Variants in JAK1 observed in about 807,000 individuals in gnomAD.
JAK1 encodes Janus kinase 1, also known as tyrosine-protein kinase JAK1.
A neutral mutation model predicts 136.6 loss-of-function variants in JAK1; 16 were observed. That is an observed-to-expected ratio of 0.12 (90% CI 0.08 to 0.18). The LOEUF (loss-of-function observed/expected upper bound fraction) is 0.18. Ranked by LOEUF, JAK1 falls within the 10% of genes least tolerant of loss-of-function variation. JAK1 has a pLI of 1.00. For synonymous variants in JAK1, 492 were observed against 519.5 expected (o/e 0.95, Z 0.72); for missense variants, 859 against 1,450.1 (o/e 0.59, Z 6.62).
chr1:65,029,639 T>C (rs1234976289), intron 2 of JAK1, among the ~76,000 whole-genome samples: 1 of 152,182 alleles, frequency 6.6e-6, no homozygotes, highest in Non-Finnish European at 1.5e-5. Context: ...TAAAAAAGAA[T>C]GAGATCATGT....
intron 2 of JAK1, among the ~76,000 whole-genome samples, chr1:65,029,332 T>A (rs1276567522): frequency 6.6e-6 from 1 of 152,146 alleles, no homozygotes; most frequent in African/African-American, 2.4e-5. Flanking sequence ...ACTACTGAAC[T>A]CAAGTGACCT....
intron 1 of JAK1, among the ~76,000 whole-genome samples, chr1:64,888,908 A>C (rs556344427): frequency 4.6e-5 from 7 of 152,232 alleles, no homozygotes; most frequent in Non-Finnish European, 1.0e-4. Flanking sequence ...TCTGATGATA[A>C]AAATAGAAAA....
rs1240802549 is a variant in JAK1 at position 64,845,576 on chromosome 1, A to G, written c.2052T>C (p.Asp684=). ...TGAATTTCCATGGTGTGGTAAGGAC[A>G]TCGCTTTTCCGGTGCATGAAGAGAT... ...PLDLFMHRKS[D]VLTTPWKFKV... The change falls in exon 15 of 25, where the codon GAT becomes GAC. Residue 684 remains aspartate, a synonymous_variant. Coordinates refer to ENST00000342505, the MANE Select transcript of JAK1 (RefSeq NM_002227.4). The G allele has an allele frequency of 6.2e-7, 1 of 1,614,176 alleles. No individual in the cohort carries two copies. Among genetic ancestry groups the G allele is most frequent in the African/African-American group, 1.3e-5 (1 of 75,042 alleles).
At chr1:64,940,956 G>A (rs1330800319) in intron 1 of JAK1, among the ~76,000 whole-genome samples, 11 of 152,150 alleles carry the variant, frequency 7.2e-5, no homozygotes, top group African/African-American at 2.7e-4. Flanking sequence ...CCTGAGGTCA[G>A]GAGTTCAAGA....
chr1:65,062,966 T>C (rs1437582436), intron 1 of JAK1, among the ~76,000 whole-genome samples: 1 of 152,220 alleles, frequency 6.6e-6, no homozygotes, highest in Non-Finnish European at 1.5e-5. Flanking sequence ...ATCTATAAAA[T>C]AAAGGGATAG....
At chr1:64,858,071 C>G (rs1022502297) in intron 9 of JAK1, among the ~76,000 whole-genome samples, 1 of 152,206 alleles carries the variant, frequency 6.6e-6, no homozygotes, top group African/African-American at 2.4e-5. Flanking sequence ...CAGCTCAAGA[C>G]AGAAGAGCCT....
chr1:64,891,239 T>C (rs1644931300), intron 1 of JAK1, among the ~76,000 whole-genome samples: 1 of 152,204 alleles, frequency 6.6e-6, no homozygotes, highest in Admixed American at 6.5e-5. Flanking sequence ...GGTTTTACGC[T>C]AATCAGCGAG....
At chr1:64,866,085 C>T (rs976315923) in intron 7 of JAK1, among the ~76,000 whole-genome samples, 8 of 152,130 alleles carry the variant, frequency 5.3e-5, no homozygotes, top group African/African-American at 1.7e-4. Context: ...TTATTAATTA[C>T]AGTAATAATA....
rs1334382278 is a variant in JAK1 at position 64,838,034 on chromosome 1, C to T, written c.3038G>A (p.Ser1013Asn). The change falls in exon 22 of 25, where the codon AGT becomes AAT. Residue 1013 changes from serine (S) to asparagine (N), a missense_variant. Coordinates refer to ENST00000342505, the MANE Select transcript of JAK1 (RefSeq NM_002227.4). Reference protein sequence around the residue: ...DLAARNVLVESEHQVKIGDFG... With the variant: ...DLAARNVLVENEHQVKIGDFG... Reference sequence around the variant, plus strand: ...GTCTCCAATTTTCACTTGGTGTTCACTCTCAACAAGGACATTTCTTGCTGC... The same window carrying T: ...GTCTCCAATTTTCACTTGGTGTTCATTCTCAACAAGGACATTTCTTGCTGC... 6.2e-7 allele frequency: 1 copy of T among 1,614,100 alleles called. No individual in the cohort carries two copies. The highest frequency in any genetic ancestry group is 8.5e-7 in the Non-Finnish European group (1 of 1,180,030).
intron 1 of JAK1, among the ~76,000 whole-genome samples, chr1:64,933,613 A>T (rs576315746): frequency 6.6e-6 from 1 of 152,314 alleles, no homozygotes; most frequent in South Asian, 2.1e-4. Flanking sequence ...AAGTTATTCA[A>T]ATGACACATC....
At chr1:65,052,861 C>CAAAA (rs35560095) in intron 1 of JAK1, among the ~76,000 whole-genome samples, 9 of 88,636 alleles carry the variant, frequency 1.0e-4, no homozygotes, top group African/African-American at 3.0e-4. Flanking sequence ...GACTCCATCT[C>CAAAA]AAAAAAAAAA....
rs141890345 is a variant in JAK1 at position 64,886,789 on chromosome 1, CACAG to C, written c.-77-452_-77-449del. 8.7e-3 allele frequency among the ~76,000 whole-genome samples: 939 copies of C among 107,738 alleles called. 12 individuals carry two copies. The highest frequency in any genetic ancestry group is 0.034 in the African/African-American group (874 of 26,032). The allele number at this position is 107,738 out of a possible 152,430, so 70.7% of individuals were successfully genotyped here. On this transcript the variant is annotated intron_variant, in intron 1 of 24. Coordinates refer to ENST00000342505, the MANE Select transcript of JAK1 (RefSeq NM_002227.4). ...ACACACACACACACACACACACACA[CACAG>C]AGCTTTGTATTATTTTAACAGCTTT...
At chr1:64,928,031 G>A (rs926785914) in intron 1 of JAK1, among the ~76,000 whole-genome samples, 1 of 152,218 alleles carries the variant, frequency 6.6e-6, no homozygotes, top group African/African-American at 2.4e-5. Context: ...GCCCTATGGA[G>A]GGTCAGTCTT....
intron 1 of JAK1, among the ~76,000 whole-genome samples, chr1:65,046,796 C>T (rs1313005365): frequency 7.9e-5 from 12 of 151,348 alleles, no homozygotes; most frequent in African/African-American, 2.2e-4. Context: ...GTGATCCACT[C>T]GCCTCAGTCT....
At chr1:64,890,575 T>C (rs1162285758) in intron 1 of JAK1, among the ~76,000 whole-genome samples, 3 of 152,204 alleles carry the variant, frequency 2.0e-5, no homozygotes, top group South Asian at 2.1e-4. Flanking sequence ...CCCCAGGAGT[T>C]TGAGTCCAGC....
chr1:64,860,872 G>A (rs1360855192), intron 8 of JAK1, among the ~76,000 whole-genome samples: 4 of 142,126 alleles, frequency 2.8e-5, no homozygotes, highest in African/African-American at 1.0e-4. Flanking sequence ...TGGGGGTGAC[G>A]CGGTGGGGGA....
At position 64,846,532 on chromosome 1, in the gene JAK1, G is replaced by T. The variant is rs1655241987; in HGVS notation, c.1987+117C>A. 8.8e-5 allele frequency: 64 copies of T among 727,578 alleles called. No homozygotes were observed. In the South Asian group the frequency reaches 9.9e-4, roughly 11 times the overall value. 45.1% of individuals were successfully genotyped at this position (727,578 alleles called of 1,614,324 possible). On this transcript the variant is annotated intron_variant, in intron 14 of 24. Coordinates refer to ENST00000342505, the MANE Select transcript of JAK1 (RefSeq NM_002227.4). ...GCTCAGTCCCTCAATCTCCTCAACT[G>T]CAAAAAGAAAGGCAAGAAGCCTGGG...
At chr1:64,851,683 G>A (rs34724277) in intron 11 of JAK1, among the ~76,000 whole-genome samples, 5 of 152,284 alleles carry the variant, frequency 3.3e-5, no homozygotes, top group African/African-American at 1.2e-4. Flanking sequence ...CACCTTTCCC[G>A]CTATGGAGCT....
intron 1 of JAK1, among the ~76,000 whole-genome samples, chr1:65,065,941 G>A (rs905295028): frequency 1.3e-5 from 2 of 151,868 alleles, no homozygotes; most frequent in African/African-American, 4.8e-5. Context: ...AGGTCCAGAG[G>A]GAAGAGAAAA....
Sources: allele counts gnomAD v4.1 joint callset (sites outside exome capture counted in the v4.1 genomes callset), GRCh38; gene constraint gnomAD v4.1.1; transcripts MANE v1.5; gene names NCBI Gene and HGNC (gene_info 2026-07-23, HGNC 2026-07-21).